The following ZNF782 variants were observed in gnomAD, a reference collection of about 807,000 sequenced individuals.
ZNF782 encodes the protein zinc finger protein 782.
In ZNF782, 12 loss-of-function variants were observed where a neutral mutation model predicts 13.0. The observed-to-expected ratio is 0.92, with a 90% CI of 0.59 to 1.50. The LOEUF is 1.50. Among genes scored for constraint, ZNF782 ranks in the 40% most tolerant of loss-of-function variants. The probability of loss-of-function intolerance (pLI) is 0.00; values close to 1 mark genes in which losing one functional copy is unlikely to be tolerated. For synonymous variants in ZNF782, 284 were observed against 283.0 expected, an observed-to-expected ratio of 1.00 and a Z score of -0.04; for missense variants, 770 against 822.9, an observed-to-expected ratio of 0.94 and a Z score of 0.79.
At chr9:96,832,441 T>C (rs1035608675) in intron 4 of ZNF782, among the ~76,000 whole-genome samples, 3 of 152,196 alleles carry the variant, frequency 2.0e-5, no homozygotes, top group Non-Finnish European at 4.4e-5. Flanking sequence ...TGCATTGTTC[T>C]TTCTTCTTTC....
the ZNF782 span, among the ~76,000 whole-genome samples, chr9:96,915,132 T>C: frequency 3.8e-3 from 584 of 151,960 alleles, 7 homozygotes; most frequent in Non-Finnish European, 3.7e-3. Flanking sequence ...TCAACCTGAT[T>C]CTACCCCTTT....
At chr9:96,875,627 C>CA (rs1375583643), upstream of ZNF782, 2 of 456,124 alleles carry the variant, frequency 4.4e-6, no homozygotes, top group Admixed American at 4.7e-5. Flanking sequence ...TCGCACTGAA[C>CA]ACCTGTTCCT....
chr9:96,898,614 T>G, the ZNF782 span, among the ~76,000 whole-genome samples: 1 of 147,996 alleles, frequency 6.8e-6, no homozygotes, highest in Non-Finnish European at 1.5e-5. Context: ...GGGCACAATC[T>G]TGGCTCACTG....
At chr9:96,925,415 A>T in the ZNF782 span, among the ~76,000 whole-genome samples, 49 of 152,128 alleles carry the variant, frequency 3.2e-4, no homozygotes, top group Non-Finnish European at 5.9e-5. Flanking sequence ...AGGCGGGTGG[A>T]TCACCTGAGG....
rs1851548019 is a variant in ZNF782 at position 96,853,047 on chromosome 9, A to C, written c.-239T>G. On this transcript the variant is annotated 5_prime_UTR_variant, in exon 2 of 6. The change abolishes an upstream ATG in the 5' untranslated region. Transcript: ENST00000481138. The stretch of plus-strand genomic sequence containing the variant: ...GTAGGGACAAAGTCTCCAGTGTCAC[A>C]TATGTTAACAGCAGTATGGCATCTG... The C allele has an allele frequency of 6.6e-6, 1 of 152,280 alleles. No homozygotes were observed. Among genetic ancestry groups the C allele is most frequent in the African/African-American group, 2.4e-5 (1 of 41,404 alleles). The allele number at this position is 152,280 out of a possible 1,614,324, so 9.4% of individuals were successfully genotyped here.
chr9:96,901,900 A>C, the ZNF782 span, among the ~76,000 whole-genome samples: 1 of 150,056 alleles, frequency 6.7e-6, no homozygotes, highest in African/African-American at 2.4e-5. Flanking sequence ...GAAACATCTG[A>C]ATTTGACTTT....
intron 5 of ZNF782, among the ~76,000 whole-genome samples, chr9:96,825,446 C>G (rs1020293609): frequency 6.6e-6 from 1 of 152,110 alleles, no homozygotes; most frequent in Non-Finnish European, 1.5e-5. Flanking sequence ...CTGAAACCAT[C>G]AAAACCCTAG....
At chr9:96,931,222 G>A in the ZNF782 span, among the ~76,000 whole-genome samples, 1 of 151,760 alleles carries the variant, frequency 6.6e-6, no homozygotes, top group Non-Finnish European at 1.5e-5. Flanking sequence ...GTTGAGCTAG[G>A]AAAGAAAGGG....
the ZNF782 span, chr9:96,919,019 A>G: frequency 0.026 from 5,848 of 227,726 alleles, 217 homozygotes; most frequent in African/African-American, 0.089. Context: ...GAATCCCCCA[A>G]TGAAGATTCT....
chr9:96,836,969 C>T (rs1851023176), intron 4 of ZNF782, among the ~76,000 whole-genome samples: 3 of 152,142 alleles, frequency 2.0e-5, no homozygotes, highest in African/African-American at 4.8e-5. Flanking sequence ...TTAGATGCAG[C>T]TGCCCAATCC....
At chr9:96,916,429 C>T in the ZNF782 span, among the ~76,000 whole-genome samples, 5 of 151,832 alleles carry the variant, frequency 3.3e-5, no homozygotes, top group African/African-American at 1.2e-4. Flanking sequence ...GGCGGATTTG[C>T]AGTGAGCTGA....
upstream of ZNF782, among the ~76,000 whole-genome samples, chr9:96,854,691 G>T (rs1851615240): frequency 1.3e-5 from 2 of 152,222 alleles, no homozygotes; most frequent in South Asian, 4.1e-4. Context: ...TCCCGCTCAG[G>T]CTCTCCAAGA....
In ZNF782 at chr9:96,835,685, G is replaced by C. The variant is rs75544075; in HGVS notation, c.143-8504C>G. Among the ~76,000 whole-genome samples, 1,409 of 152,294 alleles carry C rather than the reference G, an allele frequency of 9.3e-3. 52 individuals are homozygous for C. The East Asian group carries it at 0.1, about 11-fold the overall frequency. On this transcript the variant is annotated intron_variant, in intron 4 of 5. Coordinates refer to ENST00000481138, the MANE Select transcript of ZNF782 (RefSeq NM_001001662.3). ...AGAGGGCATGAGCAGTAAGCCTTGG[G>C]GTCCGTGTAGTGTTAATTTTGCAGG...
At chr9:96,922,947 ACGAGGGGAGTGTCTCTCACAT>A in the ZNF782 span, among the ~76,000 whole-genome samples, 1 of 148,042 alleles carries the variant, frequency 6.8e-6, no homozygotes, top group Admixed American at 6.7e-5. Flanking sequence ...TGCTTTGTAA[ACGAGGGGAGTGTCTCTCACAT>A]CGCCAAGTAC....
At chr9:96,910,430 TAA>T in the ZNF782 span, 10 of 340,670 alleles carry the variant, frequency 2.9e-5, no homozygotes, top group Admixed American at 4.5e-5. Context: ...AAAGTTAAAC[TAA>T]AAAAAAAAGG....
At chr9:96,832,777 A>G (rs1249189142) in intron 4 of ZNF782, among the ~76,000 whole-genome samples, 1 of 152,162 alleles carries the variant, frequency 6.6e-6, no homozygotes, top group African/African-American at 2.4e-5. Context: ...CAGAAGTTTC[A>G]TAATTATGCT....
chr9:96,824,084 A>G (rs913490632), intron 5 of ZNF782, among the ~76,000 whole-genome samples: 4 of 151,974 alleles, frequency 2.6e-5, no homozygotes, highest in Non-Finnish European at 4.4e-5. Flanking sequence ...TACCAAAGCC[A>G]GGCAGAGACA....
chr9:96,847,018 G>A (rs1209261763), intron 3 of ZNF782, among the ~76,000 whole-genome samples: 1 of 151,878 alleles, frequency 6.6e-6, no homozygotes, highest in Non-Finnish European at 1.5e-5. Flanking sequence ...ATAAAACTAG[G>A]GATGAACTCT....
intron 1 of ZNF782, among the ~76,000 whole-genome samples, chr9:96,862,421 GATACTTC>G (rs1851711929): frequency 6.6e-6 from 1 of 152,058 alleles, no homozygotes; most frequent in South Asian, 2.1e-4. Flanking sequence ...AGGTGTGATG[GATACTTC>G]ATTTACCCTA....
Sources: allele counts gnomAD v4.1 joint callset (sites outside exome capture counted in the v4.1 genomes callset), GRCh38; gene constraint gnomAD v4.1.1; transcripts MANE v1.5; gene names NCBI Gene and HGNC (gene_info 2026-07-23, HGNC 2026-07-21).